FBXO42: variants seen among roughly 807,000 people sequenced by gnomAD.
FBXO42 encodes F-box only protein 42.
A neutral mutation model predicts 71.7 loss-of-function variants in FBXO42; 12 were observed. The observed-to-expected ratio is 0.17, with a 90% CI of 0.11 to 0.27. The LOEUF (loss-of-function observed/expected upper bound fraction) is 0.27. FBXO42 is among the 10% of genes least tolerant of loss of function. FBXO42 has a pLI of 1.00. For synonymous variants in FBXO42, 325 were observed against 327.5 expected (o/e 0.99, Z 0.08); for missense variants, 707 against 911.9 (o/e 0.78, Z 2.89).
chr1:16,349,642 C>A (rs1250285135), intron 1 of FBXO42, among the ~76,000 whole-genome samples: 1 of 152,160 alleles, frequency 6.6e-6, no homozygotes, highest in Non-Finnish European at 1.5e-5. Context: ...AGGTGGATCG[C>A]CTGCGGTCAG....
chr1:16,347,597 G>A lies in FBXO42; in HGVS notation c.-18+4658C>T, dbSNP rs190538927. Among the ~76,000 whole-genome samples, 31 of 152,322 alleles carry A rather than the reference G, an allele frequency of 2.0e-4. No homozygotes were observed. In the East Asian group the frequency reaches 5.6e-3, roughly 27 times the overall value. Reference sequence around the variant, plus strand: ...AGGCAGGGCACTGTGGCTCACGCCTGTAATCCCAGCACTTTGGGAGGCCAA... The same window carrying A: ...AGGCAGGGCACTGTGGCTCACGCCTATAATCCCAGCACTTTGGGAGGCCAA... On this transcript the variant is annotated intron_variant, in intron 1 of 9. Transcript: ENST00000375592.
chr1:16,256,757 A>T lies in FBXO42; in HGVS notation c.505T>A (p.Ser169Thr), dbSNP rs1363487526. The stretch of plus-strand genomic sequence containing the variant: ...GCTCCAGCTTTGGGGGAAGGATAGG[A>T]CCCTAGGGAAAGTCAGTAACACCAT... ...KEWIRPLASG[S>T]YPSPKAGATL... Residue 169 changes from serine (S) to threonine (T), a missense_variant and splice_region_variant, in exon 5 of 10, where the codon TCC becomes ACC. This residue lies in a region of FBXO42 where 188 missense variants were observed against 230.5 expected (regional missense o/e 0.82). Coordinates refer to ENST00000375592, the MANE Select transcript of FBXO42 (RefSeq NM_018994.3). 1.9e-6 allele frequency: 3 copies of T among 1,613,872 alleles called. No homozygotes were observed. Among genetic ancestry groups the T allele is most frequent in the Non-Finnish European group, 2.5e-6 (3 of 1,179,942 alleles).
At chr1:16,314,809 G>A (rs564289024) in intron 2 of FBXO42, among the ~76,000 whole-genome samples, 18 of 151,914 alleles carry the variant, frequency 1.2e-4, no homozygotes, top group South Asian at 2.1e-4. Context: ...ACATGACCCC[G>A]GGAGGCAGAG....
chr1:16,261,824 C>A (rs762245478), intron 4 of FBXO42, among the ~76,000 whole-genome samples: 43 of 152,268 alleles, frequency 2.8e-4, no homozygotes, highest in South Asian at 8.3e-4. Context: ...CTGCCTCAAC[C>A]TCCTGAGTAG....
At chr1:16,326,732 G>A (rs1319851768) in intron 1 of FBXO42, among the ~76,000 whole-genome samples, 8 of 150,988 alleles carry the variant, frequency 5.3e-5, no homozygotes, top group Non-Finnish European at 1.0e-4. Context: ...AATTCTGATA[G>A]GTGATGTTTT....
intron 4 of FBXO42, among the ~76,000 whole-genome samples, chr1:16,283,501 T>C (rs1569857679): frequency 7.3e-6 from 1 of 136,604 alleles, no homozygotes; most frequent in East Asian, 2.2e-4. Flanking sequence ...CAAGTTTTTT[T>C]TTTTTTTTTT....
intron 4 of FBXO42, among the ~76,000 whole-genome samples, chr1:16,272,363 G>A (rs900706392): frequency 3.3e-5 from 5 of 151,556 alleles, no homozygotes; most frequent in African/African-American, 1.2e-4. Context: ...GGGTTCAAGC[G>A]ATTCTTCTGC....
At position 16,283,494 on chromosome 1, in the gene FBXO42, G is replaced by GTTTTTTTTTTTTGT. The variant is rs763063776; in HGVS notation, c.502+11288_502+11289insACAAAAAAAAAAAA. ...TTATAGACTCTTCTAACTGTGGCAAGTTTTTTTTTTTTTTTTTTTTTTTGA... is the reference window on the plus strand; with the variant it reads ...TTATAGACTCTTCTAACTGTGGCAAGTTTTTTTTTTTTGTTTTTTTTTTTTTTTTTTTTTTTTGA... On this transcript the variant is annotated intron_variant, in intron 4 of 9. Coordinates refer to ENST00000375592, the MANE Select transcript of FBXO42 (RefSeq NM_018994.3). Among the ~76,000 whole-genome samples, 396 of 80,970 alleles carry GTTTTTTTTTTTTGT rather than the reference G, an allele frequency of 4.9e-3. 15 individuals are homozygous for GTTTTTTTTTTTTGT. The highest frequency in any genetic ancestry group is 0.023 in the East Asian group (38 of 1,682). 53.1% of individuals were successfully genotyped at this position (80,970 alleles called of 152,430 possible). A position where few individuals can be genotyped will look rare whatever the true frequency, so the allele number is the denominator to read the frequency against.
At chr1:16,279,754 G>C (rs1381942638) in intron 4 of FBXO42, among the ~76,000 whole-genome samples, 2 of 151,634 alleles carry the variant, frequency 1.3e-5, no homozygotes, top group African/African-American at 4.8e-5. Flanking sequence ...GCAGAGAAAA[G>C]AGTAACTCTA....
rs146427119 is a variant in FBXO42 at position 16,272,071 on chromosome 1, C to T, written c.503-15312G>A. 4.6e-3 allele frequency among the ~76,000 whole-genome samples: 655 copies of T among 141,596 alleles called. 9 individuals carry two copies. The highest frequency in any genetic ancestry group is 0.016 in the African/African-American group (627 of 38,324). 92.9% of individuals were successfully genotyped at this position (141,596 alleles called of 152,430 possible). A position where few individuals can be genotyped will look rare whatever the true frequency, so the allele number is the denominator to read the frequency against. On this transcript the variant is annotated intron_variant, in intron 4 of 9. Transcript: ENST00000375592. ...TCGAGAGGCTAAGGCAGGAGAATTG[C>T]ATGAATCTGGGAGGCGGAGGTTGCA...
At chr1:16,335,551 A>G (rs571709094) in intron 1 of FBXO42, among the ~76,000 whole-genome samples, 1 of 152,126 alleles carries the variant, frequency 6.6e-6, no homozygotes, top group East Asian at 1.9e-4. Context: ...ATTAAACTTC[A>G]TGATGCAAAT....
At chr1:16,333,440 C>CA (rs2082521616) in intron 1 of FBXO42, among the ~76,000 whole-genome samples, 2 of 135,420 alleles carry the variant, frequency 1.5e-5, no homozygotes, top group African/African-American at 2.7e-5. Context: ...AGTGAGACCC[C>CA]CCCCCCCCAT....
chr1:16,351,780 T>TAAC (rs1491450565), intron 1 of FBXO42, among the ~76,000 whole-genome samples: 2 of 152,198 alleles, frequency 1.3e-5, no homozygotes, highest in Non-Finnish European at 2.9e-5. Flanking sequence ...AAAGGCCTTT[T>TAAC]GTGTTTTATT....
chr1:16,351,749 C>T lies in FBXO42; in HGVS notation c.-18+506G>A, dbSNP rs75232461. Among the ~76,000 whole-genome samples, 974 of 152,260 alleles carry T rather than the reference C, an allele frequency of 6.4e-3. 6 individuals are homozygous for T. The highest frequency in any genetic ancestry group is 0.023 in the African/African-American group (936 of 41,560). ...CAGTTCCCATTTCTCTAAGGGAACA[C>T]TCAACAAGCTAGGGGATAGGAAAGG... On this transcript the variant is annotated intron_variant, in intron 1 of 9. Coordinates refer to ENST00000375592, the MANE Select transcript of FBXO42 (RefSeq NM_018994.3).
Position 16,315,030 on chromosome 1 carries a change from G to C in FBXO42, c.250+139C>G, listed in dbSNP as rs533740019. ...TCATTAAACTAACCAGGGTAAGAAAGAAAACCGGGTAGTATCGTCTAATGC... is the reference window on the plus strand; with the variant it reads ...TCATTAAACTAACCAGGGTAAGAAACAAAACCGGGTAGTATCGTCTAATGC... On this transcript the variant is annotated intron_variant, in intron 2 of 9. Transcript: ENST00000375592. 19 of 878,382 alleles carry C rather than the reference G, an allele frequency of 2.2e-5. No homozygotes were observed. In the Middle Eastern group the frequency reaches 1.1e-3, roughly 50 times the overall value. 54.4% of individuals were successfully genotyped at this position (878,382 alleles called of 1,614,324 possible). A position where few individuals can be genotyped will look rare whatever the true frequency, so the allele number is the denominator to read the frequency against.
intron 4 of FBXO42, among the ~76,000 whole-genome samples, chr1:16,260,072 A>G (rs1411050763): frequency 6.6e-6 from 1 of 152,180 alleles, no homozygotes; most frequent in African/African-American, 2.4e-5. Context: ...CTTGGGGATT[A>G]CGGGAAAGTA....
chr1:16,334,436 A>C lies in FBXO42; in HGVS notation c.-18+17819T>G, dbSNP rs533713365. ...TCCGCCTCAAAAAAAAAAAAAAAAA[A>C]AAAACAGACTGATTCTACAGATAAG... On this transcript the variant is annotated intron_variant, in intron 1 of 9. Transcript: ENST00000375592. Among the ~76,000 whole-genome samples, 1,197 of 151,546 alleles carry C rather than the reference A, an allele frequency of 7.9e-3. 17 individuals are homozygous for C. Among genetic ancestry groups the C allele is most frequent in the African/African-American group, 0.027 (1,113 of 41,256 alleles).
rs1018268304 is a variant in FBXO42, at chr1:16,277,706, A to G, written c.502+17077T>C. On this transcript the variant is annotated intron_variant, in intron 4 of 9. Coordinates refer to ENST00000375592, the MANE Select transcript of FBXO42 (RefSeq NM_018994.3). Reference sequence around the variant, plus strand: ...GCCACTGCACTCCAGGCCGGGTGACAGAGCGAGATTCTGTCTCAAAAAAAA... The same window carrying G: ...GCCACTGCACTCCAGGCCGGGTGACGGAGCGAGATTCTGTCTCAAAAAAAA... 2.0e-5 allele frequency among the ~76,000 whole-genome samples: 3 copies of G among 146,446 alleles called. No homozygotes were observed. In the Admixed American group the frequency reaches 2.1e-4, roughly 10 times the overall value.
At chr1:16,333,168 G>GT (rs2082518064) in intron 1 of FBXO42, among the ~76,000 whole-genome samples, 1 of 152,044 alleles carries the variant, frequency 6.6e-6, no homozygotes, top group African/African-American at 2.4e-5. Context: ...ATTTTGTACA[G>GT]TATCTTCATT....
Sources: allele counts gnomAD v4.1 joint callset (sites outside exome capture counted in the v4.1 genomes callset), GRCh38; gene constraint gnomAD v4.1.1; regional missense constraint gnomAD v4.1.1; transcripts MANE v1.5; gene names NCBI Gene and HGNC (gene_info 2026-07-23, HGNC 2026-07-21).